Variants in GADL1 observed in about 807,000 individuals in gnomAD.
GADL1 encodes acidic amino acid decarboxylase GADL1.
In GADL1, 71 loss-of-function variants were observed where a neutral mutation model predicts 69.5. The ratio of observed to expected loss-of-function variants is 1.02; its 90% CI spans 0.84 to 1.25. GADL1 has a LOEUF of 1.25. Ranked by LOEUF, GADL1 falls within the 50% of genes most tolerant of loss-of-function variation. The pLI, the probability that GADL1 is intolerant of heterozygous loss-of-function variation, is 0.00. For synonymous variants in GADL1, 254 were observed against 214.4 expected (o/e 1.18, Z -1.62); for missense variants, 737 against 631.8 (o/e 1.17, Z -1.79).
intron 14 of GADL1, among the ~76,000 whole-genome samples, chr3:30,742,997 A>G (rs1322020244): frequency 1.3e-5 from 2 of 151,770 alleles, no homozygotes; most frequent in Non-Finnish European, 2.9e-5. Flanking sequence ...GAACCTGCGC[A>G]TGATCTTGTA....
chr3:30,842,840 A>AAAT (rs1327763759), intron 8 of GADL1, among the ~76,000 whole-genome samples: 18 of 150,906 alleles, frequency 1.2e-4, no homozygotes, highest in African/African-American at 4.1e-4. Context: ...AAAAAAAAAA[A>AAAT]AAAGTAGGAC....
At chr3:30,865,329 T>C (rs556601787) in intron 1 of GADL1, among the ~76,000 whole-genome samples, 1 of 151,338 alleles carries the variant, frequency 6.6e-6, no homozygotes, top group South Asian at 2.1e-4. Flanking sequence ...GTCTCTCCAA[T>C]AAAGAAAGGT....
intron 8 of GADL1, among the ~76,000 whole-genome samples, chr3:30,839,693 C>T (rs1697935800): frequency 6.6e-6 from 1 of 152,030 alleles, no homozygotes; most frequent in African/African-American, 2.4e-5. Context: ...AAAATAGGTG[C>T]TGCAACAGAG....
chr3:30,754,718 A>T (rs1334942719), intron 14 of GADL1, among the ~76,000 whole-genome samples: 1 of 152,230 alleles, frequency 6.6e-6, no homozygotes, highest in Non-Finnish European at 1.5e-5. Context: ...GCCGTGGCTG[A>T]CAGAGCAAAT....
intron 14 of GADL1, among the ~76,000 whole-genome samples, chr3:30,748,815 C>A (rs67843112): frequency 0.12 from 18,953 of 152,136 alleles, 1,385 homozygotes; most frequent in East Asian, 0.23. Flanking sequence ...ATTTTGAATT[C>A]TTCTATATAA....
intron 4 of GADL1, among the ~76,000 whole-genome samples, chr3:30,852,603 T>C (rs1698165828): frequency 6.6e-6 from 1 of 151,904 alleles, no homozygotes; most frequent in Non-Finnish European, 1.5e-5. Context: ...CATATATTTA[T>C]GTGAACCTAC....
intron 11 of GADL1, among the ~76,000 whole-genome samples, chr3:30,830,121 T>G (rs188392554): frequency 2.6e-5 from 4 of 152,010 alleles, no homozygotes; most frequent in Admixed American, 6.6e-5. Context: ...CTCACCTTTC[T>G]TCCCTGAAAC....
chr3:30,854,902 G>T, intron 3 of GADL1, 113 bp from the exon 4 acceptor site: 1 of 619,706 alleles, frequency 1.6e-6, no homozygotes, highest in Middle Eastern at 3.4e-4. Flanking sequence ...ACACAGAAGA[G>T]TTATATATAA....
chr3:30,845,807 T>A (rs1172478046), intron 6 of GADL1, among the ~76,000 whole-genome samples: 1 of 152,160 alleles, frequency 6.6e-6, no homozygotes, highest in Non-Finnish European at 1.5e-5. Flanking sequence ...GGGTGAATTA[T>A]TTCTCACCAG....
intron 11 of GADL1, among the ~76,000 whole-genome samples, chr3:30,813,574 T>C (rs1436399325): frequency 6.6e-6 from 1 of 152,236 alleles, no homozygotes; most frequent in African/African-American, 2.4e-5. Context: ...CATTTCAATT[T>C]TACCTGTAGC....
intron 11 of GADL1, among the ~76,000 whole-genome samples, chr3:30,819,861 T>C (rs1475240902): frequency 1.3e-5 from 2 of 151,974 alleles, no homozygotes; most frequent in Admixed American, 6.6e-5. Context: ...GAGAAAATAT[T>C]GTAATGGACT....
At chr3:30,793,469 C>T (rs142203599) in intron 12 of GADL1, among the ~76,000 whole-genome samples, 1,939 of 152,186 alleles carry the variant, frequency 0.013, 17 homozygotes, top group Non-Finnish European at 0.022. Flanking sequence ...AAACTACTAT[C>T]AAAAGGCATT....
At chr3:30,750,719 A>AC (rs1695796279) in intron 14 of GADL1, among the ~76,000 whole-genome samples, 1 of 152,160 alleles carries the variant, frequency 6.6e-6, no homozygotes, top group Non-Finnish European at 1.5e-5. Context: ...TATAAAATAT[A>AC]CATATACGTA....
At chr3:30,823,616 A>G (rs1697629628) in intron 11 of GADL1, among the ~76,000 whole-genome samples, 1 of 151,954 alleles carries the variant, frequency 6.6e-6, no homozygotes, top group Non-Finnish European at 1.5e-5. Context: ...TAAGTAAACC[A>G]CCAAAGATTA....
chr3:30,730,443 C>T (rs935248445), intron 14 of GADL1, among the ~76,000 whole-genome samples: 6 of 152,072 alleles, frequency 3.9e-5, no homozygotes, highest in Admixed American at 6.6e-5. Context: ...TGATTCTGCA[C>T]GGAGATCGCT....
intron 11 of GADL1, among the ~76,000 whole-genome samples, chr3:30,808,389 T>C (rs941568178): frequency 5.9e-5 from 9 of 151,844 alleles, no homozygotes; most frequent in Non-Finnish European, 1.2e-4. Flanking sequence ...TCCTAGCTAC[T>C]TGGGAGGCTG....
At chr3:30,770,799 C>T (rs1696400407) in intron 14 of GADL1, among the ~76,000 whole-genome samples, 1 of 138,636 alleles carries the variant, frequency 7.2e-6, no homozygotes, top group African/African-American at 3.3e-5. Context: ...TAAATTAGAA[C>T]AATCCAACAG....
At chr3:30,799,657 G>A (rs1055442884) in intron 12 of GADL1, 1 of 152,090 alleles carries the variant, frequency 6.6e-6, no homozygotes, top group East Asian at 1.9e-4. Context: ...CAAAAAATGG[G>A]TTTTTTCTAC....
chr3:30,825,153 C>G (rs975875341), intron 11 of GADL1, among the ~76,000 whole-genome samples: 2 of 151,904 alleles, frequency 1.3e-5, no homozygotes, highest in Non-Finnish European at 2.9e-5. Flanking sequence ...AGTTTCACAT[C>G]TTGGAAGCAG....
Sources: gnomAD v4.1 joint callset for allele counts (sites outside exome capture counted in the v4.1 genomes callset) on GRCh38, gnomAD v4.1.1 for gene constraint, MANE v1.5 for transcripts, NCBI Gene and HGNC (gene_info 2026-07-23, HGNC 2026-07-21) for gene names.